CHD9: variants seen among roughly 807,000 people sequenced by gnomAD.
CHD9 encodes the protein chromodomain helicase DNA binding protein 9, also known as ATP-dependent chromatin remodeler CHD9.
In CHD9, 77 loss-of-function variants were observed where a neutral mutation model predicts 316.1. The observed-to-expected ratio is 0.24, with a 90% CI of 0.20 to 0.29. CHD9 has a LOEUF of 0.29. Ranked by LOEUF, CHD9 falls within the 10% of genes least tolerant of loss-of-function variation. The probability of loss-of-function intolerance (pLI) is 1.00; values close to 1 mark genes in which losing one functional copy is unlikely to be tolerated. For synonymous variants in CHD9, 1,129 were observed against 1,158.3 expected (o/e 0.97, Z 0.51); for missense variants, 2,763 against 3,438.1 (o/e 0.80, Z 4.91).
chr16:53,070,470 GTCTTTCTT>G (rs1190166277), intron 1 of CHD9, among the ~76,000 whole-genome samples: 19 of 151,078 alleles, frequency 1.3e-4, no homozygotes, highest in African/African-American at 4.1e-4. Context: ...CGAGTAGCAT[GTCTTTCTT>G]TCTTTCTTTC....
At chr16:53,180,786 C>T (rs2152805293) in intron 2 of CHD9, among the ~76,000 whole-genome samples, 1 of 152,182 alleles carries the variant, frequency 6.6e-6, no homozygotes, top group Non-Finnish European at 1.5e-5. Flanking sequence ...CATTCTTCTG[C>T]CTCAGCCTCC....
At chr16:53,204,068 C>T (rs1480794189) in intron 2 of CHD9, among the ~76,000 whole-genome samples, 1 of 140,706 alleles carries the variant, frequency 7.1e-6, no homozygotes, top group African/African-American at 2.6e-5. Context: ...TACACACACA[C>T]ACACACACAC....
At chr16:53,222,233 C>A (rs139951494) in intron 3 of CHD9, among the ~76,000 whole-genome samples, 1 of 152,026 alleles carries the variant, frequency 6.6e-6, no homozygotes, top group Non-Finnish European at 1.5e-5. Context: ...CCTGCCACCA[C>A]GCCTGACTAA....
chr16:53,160,902 G>A (rs58634731), intron 2 of CHD9, among the ~76,000 whole-genome samples: 44 of 152,144 alleles, frequency 2.9e-4, no homozygotes, highest in African/African-American at 1.0e-3. Flanking sequence ...GCAAGACTCT[G>A]TCTCAAAACA....
intron 3 of CHD9, among the ~76,000 whole-genome samples, chr16:53,214,819 C>T (rs1228489580): frequency 2.0e-5 from 3 of 151,864 alleles, no homozygotes; most frequent in Non-Finnish European, 4.4e-5. Context: ...TTTTATGTGT[C>T]AGTAGAAGAC....
Position 53,157,171 on chromosome 16 carries a change from T to G in CHD9, c.1082T>G (p.Phe361Cys). The change falls in exon 2 of 39, where the codon TTC becomes TGC. Residue 361 changes from phenylalanine (F) to cysteine (C), a missense_variant. Physicochemically the swap from Phe to Cys is radical, Grantham distance 205 (BLOSUM62 -2). Around this residue, in one of 15 missense-constraint regions of CHD9, gnomAD observed 859 missense variants for 890.4 expected, o/e 0.96. Coordinates refer to ENST00000447540, the MANE Select transcript of CHD9 (RefSeq NM_001308319.2). ...NSKLSPVHMNFPDPVDSGTQM... is the reference protein window; with the variant it reads ...NSKLSPVHMNCPDPVDSGTQM... Reference sequence around the variant, plus strand: ...AAATTATCTCCTGTGCACATGAACTTCCCAGATCCTGTTGACTCAGGAACT... The same window carrying G: ...AAATTATCTCCTGTGCACATGAACTGCCCAGATCCTGTTGACTCAGGAACT... 6.2e-7 allele frequency: 1 copy of G among 1,609,212 alleles called. No individual in the cohort carries two copies. The highest frequency in any genetic ancestry group is 8.5e-7 in the Non-Finnish European group (1 of 1,177,292).
intron 24 of CHD9, among the ~76,000 whole-genome samples, chr16:53,281,630 A>G (rs2053425809): frequency 6.6e-6 from 1 of 152,198 alleles, no homozygotes; most frequent in South Asian, 2.1e-4. Flanking sequence ...CAAATTCCAT[A>G]TGACCTACAA....
chr16:53,124,554 T>C (rs2038888796), intron 1 of CHD9, among the ~76,000 whole-genome samples: 3 of 148,150 alleles, frequency 2.0e-5, no homozygotes, highest in South Asian at 2.2e-4. Flanking sequence ...TCTTGGCTCA[T>C]TGCAACCTCT....
chr16:53,306,611 T>C (rs55893810), intron 32 of CHD9, among the ~76,000 whole-genome samples: 2,022 of 152,336 alleles, frequency 0.013, 22 homozygotes, highest in Non-Finnish European at 0.021. Context: ...ATGTTTAGAA[T>C]AAAAGATAAT....
At chr16:53,288,450 A>G (rs2054072042) in intron 27 of CHD9, among the ~76,000 whole-genome samples, 1 of 152,254 alleles carries the variant, frequency 6.6e-6, no homozygotes, top group African/African-American at 2.4e-5. Context: ...CTGTTTGTAG[A>G]ATGTCAAAAG....
At chr16:53,090,708 T>C (rs1249523347) in intron 1 of CHD9, among the ~76,000 whole-genome samples, 4 of 152,130 alleles carry the variant, frequency 2.6e-5, no homozygotes, top group Non-Finnish European at 5.9e-5. Flanking sequence ...CTGTAAAAAT[T>C]CATGAGAATG....
intron 36 of CHD9, among the ~76,000 whole-genome samples, chr16:53,316,579 C>G (rs1247313662): frequency 6.6e-6 from 1 of 152,110 alleles, no homozygotes; most frequent in African/African-American, 2.4e-5. Context: ...ATTTGTTCCT[C>G]TAAAGATTAT....
At chr16:53,298,252 G>C (rs1377644984) in intron 30 of CHD9, 1 of 152,266 alleles carries the variant, frequency 6.6e-6, no homozygotes, top group Non-Finnish European at 1.5e-5. Context: ...ACTCAAAGCA[G>C]GCACTGCCCT....
intron 22 of CHD9, 91 bp from the exon 23 acceptor site, chr16:53,273,535 A>C (rs2052494554): frequency 1.1e-6 from 1 of 916,788 alleles, no homozygotes; most frequent in Admixed American, 2.9e-5. Flanking sequence ...GACCTCAGAA[A>C]GTCTCCAGAA....
intron 2 of CHD9, among the ~76,000 whole-genome samples, chr16:53,161,170 G>A (rs1415302819): frequency 3.3e-5 from 5 of 152,172 alleles, no homozygotes; most frequent in Admixed American, 6.5e-5. Flanking sequence ...TTTGGGATTC[G>A]TTGATTGTGA....
chr16:53,164,037 C>T (rs1410072907), intron 2 of CHD9, among the ~76,000 whole-genome samples: 1 of 152,118 alleles, frequency 6.6e-6, no homozygotes, highest in Non-Finnish European at 1.5e-5. Context: ...GGATTCAAAC[C>T]CTATTTGACT....
intron 2 of CHD9, among the ~76,000 whole-genome samples, chr16:53,194,788 T>C (rs1408008652): frequency 6.6e-6 from 1 of 152,178 alleles, no homozygotes. Flanking sequence ...TTAAGGTAAT[T>C]CTCAGGCCTC....
At chr16:53,219,681 G>A (rs938463101) in intron 3 of CHD9, among the ~76,000 whole-genome samples, 1 of 152,140 alleles carries the variant, frequency 6.6e-6, no homozygotes, top group Admixed American at 6.5e-5. Flanking sequence ...AAAGTCTTTT[G>A]AGTCCTTAAG....
chr16:53,115,135 G>C (rs2038193193), intron 1 of CHD9, among the ~76,000 whole-genome samples: 1 of 152,082 alleles, frequency 6.6e-6, no homozygotes, highest in Non-Finnish European at 1.5e-5. Flanking sequence ...CATCTGGTTT[G>C]TGCCTAAGGC....
Sources: gnomAD v4.1 joint callset for allele counts (sites outside exome capture counted in the v4.1 genomes callset) on GRCh38, gnomAD v4.1.1 for gene constraint, gnomAD v4.1.1 regional missense constraint, MANE v1.5 for transcripts, NCBI Gene and HGNC (gene_info 2026-07-23, HGNC 2026-07-21) for gene names.